ATP6V0A4: variants seen among roughly 807,000 people sequenced by gnomAD.
ATP6V0A4 encodes ATPase H+ transporting V0 subunit a4, also known as V-type proton ATPase 116 kDa subunit a 4.
A neutral mutation model predicts 107.3 loss-of-function variants in ATP6V0A4; 86 were observed. That is an observed-to-expected ratio of 0.80 (90% CI 0.67 to 0.96). The LOEUF (loss-of-function observed/expected upper bound fraction) is 0.96. Ranked by LOEUF, ATP6V0A4 falls within the 40% of genes least tolerant of loss-of-function variation. The pLI is 0.00. For missense variants in ATP6V0A4, 908 were observed against 1,045.6 expected, an observed-to-expected ratio of 0.87 and a Z score of 1.81; for synonymous variants, 353 against 381.4, an observed-to-expected ratio of 0.93 and a Z score of 0.87.
At chr7:138,718,761 T>TCCCC (rs1804286507) in intron 19 of ATP6V0A4, among the ~76,000 whole-genome samples, 1 of 148,198 alleles carries the variant, frequency 6.7e-6, no homozygotes, top group African/African-American at 2.5e-5. Flanking sequence ...TCAGAGGTTA[T>TCCCC]GGGGACAAGA....
chr7:138,796,515 A>G (rs1372888574), intron 1 of ATP6V0A4, among the ~76,000 whole-genome samples: 2 of 152,166 alleles, frequency 1.3e-5, no homozygotes, highest in South Asian at 4.1e-4. Flanking sequence ...ATTCATGCGC[A>G]GGAACACTTC....
At chr7:138,769,844 G>A (rs1183830769) in intron 3 of ATP6V0A4, among the ~76,000 whole-genome samples, 2 of 152,118 alleles carry the variant, frequency 1.3e-5, no homozygotes, top group Admixed American at 6.6e-5. Flanking sequence ...TTGGGAGGTC[G>A]AGGCTGGTGG....
intron 15 of ATP6V0A4, among the ~76,000 whole-genome samples, chr7:138,736,593 A>T (rs1805333383): frequency 6.6e-6 from 1 of 151,556 alleles, no homozygotes; most frequent in Non-Finnish European, 1.5e-5. Context: ...TTTTTTTGAG[A>T]CAGAGTCTCG....
chr7:138,730,028 C>T (rs1804909219), intron 17 of ATP6V0A4, among the ~76,000 whole-genome samples: 1 of 152,200 alleles, frequency 6.6e-6, no homozygotes, highest in Non-Finnish European at 1.5e-5. Flanking sequence ...GGACAACCGG[C>T]ATGTGCCACC....
intron 1 of ATP6V0A4, among the ~76,000 whole-genome samples, chr7:138,787,896 G>A (rs1043852553): frequency 6.6e-6 from 1 of 152,144 alleles, no homozygotes; most frequent in African/African-American, 2.4e-5. Flanking sequence ...CTACTCAGGA[G>A]GCTGAGGCAG....
Position 138,728,816 on chromosome 7 carries a change from G to C in ATP6V0A4, c.1955C>G (p.Pro652Arg), listed in dbSNP as rs149289710. ...AAACGGCTTAATCAGAAGCATCCAC[G>C]GCACAGAAATCAAAGCCATAACCAC... is the stretch of plus-strand genomic sequence containing the variant. ...FFVVMALISV[P>R]WMLLIKPFIL... Residue 652 changes from proline (P) to arginine (R), a missense_variant, in exon 18 of 22, where the codon CCG becomes CGG. Physicochemically the swap from Pro to Arg is moderately radical, Grantham distance 103 (BLOSUM62 -2). Coordinates refer to ENST00000310018, the MANE Select transcript of ATP6V0A4 (RefSeq NM_020632.3). 1.2e-6 allele frequency: 2 copies of C among 1,613,936 alleles called. No homozygotes were observed. Among genetic ancestry groups the C allele is most frequent in the African/African-American group, 2.7e-5 (2 of 74,900 alleles).
chr7:138,784,145 T>C (rs115142509), intron 2 of ATP6V0A4, among the ~76,000 whole-genome samples: 1,564 of 150,804 alleles, frequency 0.01, 29 homozygotes, highest in African/African-American at 0.037. Context: ...AATACAGCCT[T>C]ATTTCTCTAA....
At chr7:138,785,458 G>A (rs561733147) in intron 2 of ATP6V0A4, among the ~76,000 whole-genome samples, 17 of 151,790 alleles carry the variant, frequency 1.1e-4, no homozygotes, top group Non-Finnish European at 1.8e-4. Context: ...TGTATTTTTA[G>A]TGGAGACAGG....
chr7:138,710,207 TC>T (rs66617375), intron 20 of ATP6V0A4, among the ~76,000 whole-genome samples: 1 of 150,222 alleles, frequency 6.7e-6, no homozygotes, highest in Non-Finnish European at 1.5e-5. Flanking sequence ...TTTTTTTTTT[TC>T]GAGACAGAGT....
intron 21 of ATP6V0A4, among the ~76,000 whole-genome samples, chr7:138,709,165 C>T (rs544708188): frequency 2.7e-5 from 4 of 145,938 alleles, no homozygotes; most frequent in African/African-American, 7.7e-5. Context: ...GCCAAGATTG[C>T]ACCACTGCAT....
At chr7:138,730,688 G>C (rs1804958785) in intron 17 of ATP6V0A4, among the ~76,000 whole-genome samples, 1 of 152,120 alleles carries the variant, frequency 6.6e-6, no homozygotes, top group Non-Finnish European at 1.5e-5. Flanking sequence ...TGGTGAATCT[G>C]AGTTCTCTGC....
chr7:138,707,622 G>T (rs182982744), intron 21 of ATP6V0A4, among the ~76,000 whole-genome samples: 1 of 150,356 alleles, frequency 6.7e-6, no homozygotes, highest in East Asian at 2.0e-4. Flanking sequence ...GGCTGGTCTC[G>T]AACTCCTGAC....
Position 138,780,856 on chromosome 7 carries a change from G to C in ATP6V0A4, c.-18+5302C>G, listed in dbSNP as rs139630577. On this transcript the variant is annotated intron_variant, in intron 2 of 21. Transcript: ENST00000310018. Reference sequence around the variant, plus strand: ...GGAGGTTGAGACTGCTATGATCCGAGATCATGCCTCTGCACTCCAGCCTGG... The same window carrying C: ...GGAGGTTGAGACTGCTATGATCCGACATCATGCCTCTGCACTCCAGCCTGG... Among the ~76,000 whole-genome samples the C allele has an allele frequency of 3.8e-3, 574 of 152,008 alleles. 4 individuals carry two copies. The highest frequency in any genetic ancestry group is 0.013 in the African/African-American group (553 of 41,454).
intron 5 of ATP6V0A4, among the ~76,000 whole-genome samples, chr7:138,765,641 C>T (rs1244143369): frequency 1.3e-5 from 2 of 152,184 alleles, no homozygotes; most frequent in Non-Finnish European, 2.9e-5. Flanking sequence ...GGGAACACAG[C>T]TAACTGCAGG....
intron 5 of ATP6V0A4, among the ~76,000 whole-genome samples, chr7:138,763,820 A>G (rs1372030153): frequency 6.6e-6 from 1 of 151,744 alleles, no homozygotes; most frequent in African/African-American, 2.4e-5. Context: ...CCCTGTTTCT[A>G]CTAAAAATAC....
Position 138,745,214 on chromosome 7 carries a change from C to A in ATP6V0A4, c.1387G>T (p.Gly463Cys). The change falls in exon 14 of 22, where the codon GGT (glycine) becomes TGT (cysteine). Residue 463 changes from glycine to cysteine, a missense_variant. Physicochemically the swap from Gly to Cys is radical, Grantham distance 159 (BLOSUM62 -3). Coordinates refer to ENST00000310018, the MANE Select transcript of ATP6V0A4 (RefSeq NM_020632.3). ...LLMGIFSIYTGLIYNDCFSKS... is the reference protein window; with the variant it reads ...LLMGIFSIYTCLIYNDCFSKS... ...GAGAAGCAGTCATTGTAGATCAAAC[C>A]CGTGTAGATGGAGAAGATGCCCATA... 6.2e-7 allele frequency: 1 copy of A among 1,614,124 alleles called. No individual in the cohort carries two copies. The highest frequency in any genetic ancestry group is 8.5e-7 in the Non-Finnish European group (1 of 1,179,996).
At chr7:138,784,254 A>G (rs1373061670) in intron 2 of ATP6V0A4, among the ~76,000 whole-genome samples, 43 of 30,602 alleles carry the variant, frequency 1.4e-3, no homozygotes, top group East Asian at 9.9e-3. Flanking sequence ...ATATATATAC[A>G]TATATATATA....
At position 138,780,488 on chromosome 7, in the gene ATP6V0A4, C is replaced by T. The variant is rs573284536; in HGVS notation, c.-18+5670G>A. On this transcript the variant is annotated intron_variant, in intron 2 of 21. Transcript: ENST00000310018. ...ATGGACCCCCCAGTACCATAGCTGGCGGATCACCCCAGGGAATAGTGCCAT... is the reference window on the plus strand; with the variant it reads ...ATGGACCCCCCAGTACCATAGCTGGTGGATCACCCCAGGGAATAGTGCCAT... 1.7e-4 allele frequency among the ~76,000 whole-genome samples: 26 copies of T among 152,248 alleles called. No homozygotes were observed. The South Asian group carries it at 2.1e-3, about 12-fold the overall frequency.
At chr7:138,758,475 C>A (rs1278930011) in intron 8 of ATP6V0A4, among the ~76,000 whole-genome samples, 3 of 151,894 alleles carry the variant, frequency 2.0e-5, no homozygotes, top group Admixed American at 6.6e-5. Context: ...TTTTTTTAGC[C>A]TCTAATCTGA....
Sources: allele counts gnomAD v4.1 joint callset (sites outside exome capture counted in the v4.1 genomes callset), GRCh38; gene constraint gnomAD v4.1.1; transcripts MANE v1.5; gene names NCBI Gene and HGNC (gene_info 2026-07-23, HGNC 2026-07-21).